MANSC1: variants seen among roughly 807,000 people sequenced by gnomAD.
The protein encoded by MANSC1 is MANSC domain containing 1, also known as MANSC domain-containing protein 1.
In MANSC1, 13 loss-of-function variants were observed where a neutral mutation model predicts 14.1. The observed-to-expected ratio is 0.92, with a 90% confidence interval of 0.60 to 1.46. MANSC1 has a LOEUF of 1.46. Ranked by LOEUF, MANSC1 falls within the 40% of genes most tolerant of loss-of-function variation. MANSC1 has a pLI of 0.00. For synonymous variants in MANSC1, 227 were observed against 200.7 expected, an observed-to-expected ratio of 1.13 and a Z score of -1.11; for missense variants, 486 against 511.4, an observed-to-expected ratio of 0.95 and a Z score of 0.48.
Position 12,327,889 on chromosome 12 carries a change from A to T in MANSC1, c.*2138T>A, listed in dbSNP as rs933259171. 2 of 152,480 alleles carry T rather than the reference A, an allele frequency of 1.3e-5. No individual in the cohort carries two copies. The highest frequency in any genetic ancestry group is 4.8e-5 in the African/African-American group (2 of 41,550). 9.4% of individuals were successfully genotyped at this position (152,480 alleles called of 1,614,324 possible). On this transcript the variant is annotated 3_prime_UTR_variant, in exon 4 of 4. Coordinates refer to ENST00000535902, the MANE Select transcript of MANSC1 (RefSeq NM_018050.4). ...GAGGGGTACCAGAAGAGCAGAGGGG[A>T]AGGAGGTGAGGAGGAAGGAAGAGGT...
chr12:12,345,608 G>T (rs186975189), intron 1 of MANSC1, among the ~76,000 whole-genome samples: 1 of 152,190 alleles, frequency 6.6e-6, no homozygotes, highest in African/African-American at 2.4e-5. Flanking sequence ...TGTTAAACTG[G>T]CAAGACAATA....
In MANSC1 at chr12:12,343,085, T is replaced by G. The variant is rs551561767; in HGVS notation, c.223+7A>C. 28 of 1,603,232 alleles carry G rather than the reference T, an allele frequency of 1.7e-5. No individual in the cohort carries two copies. The South Asian group carries it at 2.9e-4, about 16-fold the overall frequency. ...GAACAAAGGATTGCCAAGAAACCACTATTTACCTGATATGTTTTTTGTTGA... is the reference window on the plus strand; with the variant it reads ...GAACAAAGGATTGCCAAGAAACCACGATTTACCTGATATGTTTTTTGTTGA... On this transcript the variant is annotated splice_region_variant and intron_variant, in intron 2 of 3. Coordinates refer to ENST00000535902, the MANE Select transcript of MANSC1 (RefSeq NM_018050.4).
intron 2 of MANSC1, 81 bp from the exon 3 acceptor site, chr12:12,338,641 T>C: frequency 7.6e-7 from 1 of 1,316,834 alleles, no homozygotes; most frequent in African/African-American, 1.5e-5. Context: ...CTTCACTTAT[T>C]ATGGAGTCCA....
At position 12,336,533 on chromosome 12, in the gene MANSC1, A is replaced by ATT. The variant is rs574909847; in HGVS notation, c.364+1885_364+1886dup. On this transcript the variant is annotated intron_variant, in intron 3 of 3. Transcript: ENST00000535902. ...CCAGAAGGGAGAACCTTGTTTTCCT[A>ATT]TTTTTTTTTTAGAGATAGTATCTCA... Among the ~76,000 whole-genome samples, 307 of 147,384 alleles carry ATT rather than the reference A, an allele frequency of 2.1e-3. 1 individual carries two copies. Among genetic ancestry groups the ATT allele is most frequent in the African/African-American group, 7.0e-3 (281 of 40,308 alleles).
At position 12,338,566 on chromosome 12, in the gene MANSC1, A is replaced by G; in HGVS notation, c.224-6T>C. On this transcript the variant is annotated splice_polypyrimidine_tract_variant and splice_region_variant and intron_variant, in intron 2 of 3. Coordinates refer to ENST00000535902, the MANE Select transcript of MANSC1 (RefSeq NM_018050.4). Reference sequence around the variant, plus strand: ...CAAGTTACATGCTTTGTCCCCTGCAATGAAAGGTTTCATAAGCATGATTTT... The same window carrying G: ...CAAGTTACATGCTTTGTCCCCTGCAGTGAAAGGTTTCATAAGCATGATTTT... 1 of 1,609,014 alleles carries G rather than the reference A, an allele frequency of 6.2e-7. No homozygotes were observed. The highest frequency in any genetic ancestry group is 8.5e-7 in the Non-Finnish European group (1 of 1,178,848).
At position 12,334,298 on chromosome 12, in the gene MANSC1, A is replaced by G. The variant is rs550498162; in HGVS notation, c.365-3340T>C. Reference sequence around the variant, plus strand: ...TGCCTTAAAAAAAAAGAAAAAAAAAAAGAGAGAGAGAGACAGAAAAGAAAA... The same window carrying G: ...TGCCTTAAAAAAAAAGAAAAAAAAAGAGAGAGAGAGAGACAGAAAAGAAAA... On this transcript the variant is annotated intron_variant, in intron 3 of 3. Coordinates refer to ENST00000535902, the MANE Select transcript of MANSC1 (RefSeq NM_018050.4). 2.8e-3 allele frequency among the ~76,000 whole-genome samples: 430 copies of G among 152,018 alleles called. 1 individual carries two copies. The highest frequency in any genetic ancestry group is 9.5e-3 in the African/African-American group (393 of 41,484).
chr12:12,340,128 G>A (rs1012240085), intron 2 of MANSC1, among the ~76,000 whole-genome samples: 2 of 152,098 alleles, frequency 1.3e-5, no homozygotes, highest in Non-Finnish European at 2.9e-5. Flanking sequence ...TTCTTTTTCT[G>A]TTCCTCTTGT....
chr12:12,343,247 A>G lies in MANSC1; in HGVS notation c.68T>C (p.Leu23Pro), dbSNP rs761295482. Residue 23 changes from leucine to proline, a missense_variant, in exon 2 of 4, where the codon CTG (leucine) becomes CCG (proline). Transcript: ENST00000535902. ...TTTGAGGCAATTCTGACTAGCAGAC[A>G]GCCTTAGTGTCAGGAAGCAAATTAT... ...LVIICFLTLR[L>P]SASQNCLKKS... 3.1e-6 allele frequency: 5 copies of G among 1,614,202 alleles called. No individual in the cohort carries two copies. The highest frequency in any genetic ancestry group is 4.2e-6 in the Non-Finnish European group (5 of 1,180,016).
chr12:12,342,584 GTTTTTTTT>G (rs760560592), intron 2 of MANSC1, among the ~76,000 whole-genome samples: 13,627 of 41,982 alleles, frequency 0.32, 748 homozygotes, highest in Middle Eastern at 0.4. Context: ...GTGTTTTTTT[GTTTTTTTT>G]TTTTTTTTTT....
At chr12:12,337,066 G>C (rs888736912) in intron 3 of MANSC1, among the ~76,000 whole-genome samples, 2 of 151,122 alleles carry the variant, frequency 1.3e-5, no homozygotes, top group Non-Finnish European at 1.5e-5. Flanking sequence ...AGGTCAGGAG[G>C]TGAGACCAGC....
At chr12:12,334,919 T>G (rs1862838389) in intron 3 of MANSC1, among the ~76,000 whole-genome samples, 1 of 152,134 alleles carries the variant, frequency 6.6e-6, no homozygotes, top group African/African-American at 2.4e-5. Context: ...GGCAAAGCAG[T>G]GTCAACACGC....
intron 1 of MANSC1, among the ~76,000 whole-genome samples, chr12:12,349,043 G>A (rs1334347305): frequency 6.6e-6 from 1 of 152,166 alleles, no homozygotes; most frequent in Non-Finnish European, 1.5e-5. Flanking sequence ...ATTTTGAAAC[G>A]TGCAACAAGT....
intron 1 of MANSC1, 107 bp from the exon 2 acceptor site, chr12:12,343,521 G>C (rs993322192): frequency 3.9e-6 from 2 of 515,546 alleles, no homozygotes; most frequent in Non-Finnish European, 6.9e-6. Context: ...ATACAATTTA[G>C]AGAAGAAAAG....
chr12:12,343,385 A>G lies in MANSC1; in HGVS notation c.-71T>C, dbSNP rs74387657. 573 of 1,040,918 alleles carry G rather than the reference A, an allele frequency of 5.5e-4. 2 individuals are homozygous for G. The African/African-American group carries it at 8.2e-3, about 15-fold the overall frequency. 64.5% of individuals were successfully genotyped at this position (1,040,918 alleles called of 1,614,324 possible). Reference sequence around the variant, plus strand: ...CTCCCTCTGGTCTTAGTTTGCTTTAAGAAGGCTGCACAGATGATGAGATTT... The same window carrying G: ...CTCCCTCTGGTCTTAGTTTGCTTTAGGAAGGCTGCACAGATGATGAGATTT... On this transcript the variant is annotated 5_prime_UTR_variant, in exon 2 of 4. Coordinates refer to ENST00000535902, the MANE Select transcript of MANSC1 (RefSeq NM_018050.4).
rs1862720251 is a variant in MANSC1, at chr12:12,327,260, G to A, written c.*2767C>T. 6.6e-6 allele frequency: 1 copy of A among 152,272 alleles called. No individual in the cohort carries two copies. The highest frequency in any genetic ancestry group is 1.5e-5 in the Non-Finnish European group (1 of 68,132). 9.4% of individuals were successfully genotyped at this position (152,272 alleles called of 1,614,324 possible). A position where few individuals can be genotyped will look rare whatever the true frequency, so the allele number is the denominator to read the frequency against. On this transcript the variant is annotated 3_prime_UTR_variant, in exon 4 of 4. Transcript: ENST00000535902. The stretch of plus-strand genomic sequence containing the variant: ...AAGGAGGGGGCTCATAACTCAATGG[G>A]CCTTGTGGGAAAGGCTAACCAGACT...
At position 12,343,406 on chromosome 12, in the gene MANSC1, G is replaced by C. The variant is rs1862964896; in HGVS notation, c.-92C>G. On this transcript the variant is annotated 5_prime_UTR_variant, in exon 2 of 4. It adds an upstream start codon to the 5' untranslated region. Coordinates refer to ENST00000535902, the MANE Select transcript of MANSC1 (RefSeq NM_018050.4). ...TTTAAGAAGGCTGCACAGATGATGA[G>C]ATTTCTCTCTAGAACAAAAATGGAA... is the stretch of plus-strand genomic sequence containing the variant. 1 of 786,842 alleles carries C rather than the reference G, an allele frequency of 1.3e-6. No individual in the cohort carries two copies. Among genetic ancestry groups the C allele is most frequent in the African/African-American group, 1.7e-5 (1 of 57,402 alleles). The allele number at this position is 786,842 out of a possible 1,614,324, so 48.7% of individuals were successfully genotyped here. A position where few individuals can be genotyped will look rare whatever the true frequency, so the allele number is the denominator to read the frequency against.
intron 2 of MANSC1, among the ~76,000 whole-genome samples, chr12:12,340,193 C>T (rs974005309): frequency 2.6e-5 from 4 of 152,170 alleles, no homozygotes; most frequent in African/African-American, 9.7e-5. Context: ...ATTTTGTCCT[C>T]CATTTGGTAC....
chr12:12,330,972 G>A lies in MANSC1; in HGVS notation c.365-14C>T. ...AAGATGGAAAATCTGAAAATGTATG[G>A]AAAATAAAAGGAAGGCTTATGTAAC... On this transcript the variant is annotated splice_polypyrimidine_tract_variant and intron_variant, in intron 3 of 3. Coordinates refer to ENST00000535902, the MANE Select transcript of MANSC1 (RefSeq NM_018050.4). 6.7e-7 allele frequency: 1 copy of A among 1,493,288 alleles called. No individual in the cohort carries two copies. 92.5% of individuals were successfully genotyped at this position (1,493,288 alleles called of 1,614,324 possible).
chr12:12,329,027 A>ACACACAC lies in MANSC1; in HGVS notation c.*999_*1000insGTGTGTG, dbSNP rs1184334371. 124 of 73,812 alleles carry ACACACAC rather than the reference A, an allele frequency of 1.7e-3. 1 individual carries two copies. Among genetic ancestry groups the ACACACAC allele is most frequent in the African/African-American group, 5.3e-3 (121 of 22,956 alleles). The allele number at this position is 73,812 out of a possible 1,614,324, so 4.6% of individuals were successfully genotyped here. Reference sequence around the variant, plus strand: ...ACACACACACACACACACACACACAAGTTAACTAGAACAGATCCCAAGTGG... The same window carrying ACACACAC: ...ACACACACACACACACACACACACAACACACACGTTAACTAGAACAGATCCCAAGTGG... On this transcript the variant is annotated 3_prime_UTR_variant, in exon 4 of 4. Coordinates refer to ENST00000535902, the MANE Select transcript of MANSC1 (RefSeq NM_018050.4).
Sources: allele counts gnomAD v4.1 joint callset (sites outside exome capture counted in the v4.1 genomes callset), GRCh38; gene constraint gnomAD v4.1.1; transcripts MANE v1.5; gene names NCBI Gene and HGNC (gene_info 2026-07-23, HGNC 2026-07-21).